CRYM: variants seen among roughly 807,000 people sequenced by gnomAD.
CRYM encodes the protein ketimine reductase mu-crystallin.
Under a neutral mutation model 32.9 loss-of-function variants are expected in CRYM, and 18 were observed. The ratio of observed to expected loss-of-function variants is 0.55; its 90% CI spans 0.38 to 0.81. The LOEUF is 0.81. Ranked by LOEUF, CRYM falls within the 30% of genes least tolerant of loss-of-function variation. The pLI is 0.00. For synonymous variants in CRYM, 153 were observed against 152.4 expected (o/e 1.00, Z -0.03); for missense variants, 337 against 393.5 (o/e 0.86, Z 1.21).
intron 7 of CRYM, among the ~76,000 whole-genome samples, chr16:21,259,766 G>A (rs1188462887): frequency 6.6e-6 from 1 of 152,154 alleles, no homozygotes; most frequent in Non-Finnish European, 1.5e-5. Context: ...TCTCCCCTTT[G>A]TCTTGTAATT....
chr16:21,280,614 G>A (rs750371164), upstream of CRYM, among the ~76,000 whole-genome samples: 37 of 152,124 alleles, frequency 2.4e-4, no homozygotes, highest in Non-Finnish European at 8.8e-5. Flanking sequence ...CAGACTCTTT[G>A]TGGCAATACG....
intron 3 of CRYM, among the ~76,000 whole-genome samples, chr16:21,270,386 T>G (rs949934720): frequency 5.3e-5 from 8 of 151,974 alleles, no homozygotes; most frequent in African/African-American, 1.9e-4. Flanking sequence ...TGGGTTCCAG[T>G]GATTATCCTA....
chr16:21,266,803 G>C (rs938809091), intron 5 of CRYM, among the ~76,000 whole-genome samples: 1 of 151,976 alleles, frequency 6.6e-6, no homozygotes, highest in African/African-American at 2.4e-5. Flanking sequence ...CCAGGAGTTC[G>C]AGACCAGCCT....
intron 1 of CRYM, among the ~76,000 whole-genome samples, chr16:21,293,417 G>A (rs1220019760): frequency 1.3e-5 from 2 of 152,046 alleles, no homozygotes; most frequent in East Asian, 1.9e-4. Context: ...AAGAGAATAC[G>A]GAACACAGTG....
At chr16:21,260,772 G>A (rs1361989541) in intron 7 of CRYM, among the ~76,000 whole-genome samples, 1 of 152,358 alleles carries the variant, frequency 6.6e-6, no homozygotes, top group Non-Finnish European at 1.5e-5. Flanking sequence ...GCAAGTGGGA[G>A]AGTAGGGAAG....
At position 21,267,313 on chromosome 16, in the gene CRYM, G is replaced by A. The variant is rs172852; in HGVS notation, c.673+241C>T. Among the ~76,000 whole-genome samples the A allele has an allele frequency of 0.33, 50,294 of 151,882 alleles. 10,321 individuals carry two copies. Among genetic ancestry groups the A allele is most frequent in the African/African-American group, 0.58 (24,001 of 41,400 alleles). ...GGGTTTTGCCATGTTGACCAGGTTA[G>A]TCTTAAACTCCTGGCCTCAAGCAAT... is the stretch of plus-strand genomic sequence containing the variant. On this transcript the variant is annotated intron_variant, in intron 5 of 7. Coordinates refer to ENST00000572914, the MANE Select transcript of CRYM (RefSeq NM_001376256.1).
chr16:21,296,029 CAAATT>C (rs1215304318), intron 1 of CRYM, among the ~76,000 whole-genome samples: 4 of 151,726 alleles, frequency 2.6e-5, no homozygotes, highest in African/African-American at 9.7e-5. Context: ...AAAACATGAA[CAAATT>C]AAAAGATTAT....
At chr16:21,299,156 G>C (rs1277387453) in intron 1 of CRYM, among the ~76,000 whole-genome samples, 2 of 151,992 alleles carry the variant, frequency 1.3e-5, no homozygotes, top group Non-Finnish European at 2.9e-5. Flanking sequence ...TATTAATCTT[G>C]TTCTTATTGT....
At chr16:21,290,561 C>T (rs1213153906) in intron 1 of CRYM, among the ~76,000 whole-genome samples, 1 of 152,208 alleles carries the variant, frequency 6.6e-6, no homozygotes, top group African/African-American at 2.4e-5. Flanking sequence ...GGAACCAATT[C>T]TGGCCACAAA....
In CRYM at chr16:21,267,755, A is replaced by G. The variant is rs748003998; in HGVS notation, c.490-18T>C. On this transcript the variant is annotated intron_variant, in intron 4 of 7. Transcript: ENST00000572914. ...ATCCTCACCTTCATTGGGAGTAACA[A>G]GAAGGATATTGGCGCCATTTTTTGG... 2 of 1,614,116 alleles carry G rather than the reference A, an allele frequency of 1.2e-6. No individual in the cohort carries two copies. The highest frequency in any genetic ancestry group is 1.7e-6 in the Non-Finnish European group (2 of 1,179,960).
intron 3 of CRYM, among the ~76,000 whole-genome samples, chr16:21,271,454 A>C (rs2093375231): frequency 6.6e-6 from 1 of 152,268 alleles, no homozygotes; most frequent in African/African-American, 2.4e-5. Flanking sequence ...ATATTTAAAA[A>C]GTGAAAAGTC....
At position 21,258,826 on chromosome 16, in the gene CRYM, T is replaced by C; in HGVS notation, c.900A>G (p.Thr300=). The C allele has an allele frequency of 1.9e-6, 3 of 1,614,166 alleles. No individual in the cohort carries two copies. Among genetic ancestry groups the C allele is most frequent in the South Asian group, 1.1e-5 (1 of 91,086 alleles). ...AATCATAGATGAGTTTGGCTGCAAC[T>C]GTGTCTTCCACTGCCATTCCTAGAA... is the stretch of plus-strand genomic sequence containing the variant. The part of the protein sequence containing the change: ...FKSLGMAVED[T]VAAKLIYDSW... The change falls in exon 8 of 8, where the codon ACA becomes ACG. Residue 300 remains threonine (T), a synonymous_variant. Coordinates refer to ENST00000572914, the MANE Select transcript of CRYM (RefSeq NM_001376256.1).
intron 1 of CRYM, among the ~76,000 whole-genome samples, chr16:21,287,077 G>A (rs1304416536): frequency 6.7e-6 from 1 of 148,494 alleles, no homozygotes; most frequent in Non-Finnish European, 1.5e-5. Context: ...GCGACAGAGC[G>A]AGACTCCGTC....
At chr16:21,298,681 T>C (rs1195238380) in intron 1 of CRYM, among the ~76,000 whole-genome samples, 1 of 152,226 alleles carries the variant, frequency 6.6e-6, no homozygotes, top group African/African-American at 2.4e-5. Context: ...ATACTTTTTA[T>C]AGAGGACAGA....
At chr16:21,298,650 A>C (rs998441235) in intron 1 of CRYM, among the ~76,000 whole-genome samples, 1 of 152,244 alleles carries the variant, frequency 6.6e-6, no homozygotes, top group African/African-American at 2.4e-5. Context: ...GGAATTGCTC[A>C]AATAACAATA....
At chr16:21,269,712 G>A in intron 4 of CRYM, 78 bp downstream of exon 4, 1 of 934,656 alleles carries the variant, frequency 1.1e-6, no homozygotes, top group Non-Finnish European at 1.8e-6. Flanking sequence ...AGAATAACCT[G>A]TGGTGCAGTG....
In CRYM at chr16:21,258,761, CA is replaced by C; in HGVS notation, c.*19del. 1 of 1,608,548 alleles carries C rather than the reference CA, an allele frequency of 6.2e-7. No individual in the cohort carries two copies. Among genetic ancestry groups the C allele is most frequent in the Admixed American group, 1.7e-5 (1 of 60,016 alleles). On this transcript the variant is annotated 3_prime_UTR_variant, in exon 8 of 8. Transcript: ENST00000572914. ...AGCAATATTCCTCAAGCATCCATCT[CA>C]ACATCAAGTTCCTTTGTTTTATTTA... is the stretch of plus-strand genomic sequence containing the variant.
upstream of CRYM, chr16:21,278,376 G>T: frequency 7.8e-7 from 1 of 1,288,524 alleles, no homozygotes; most frequent in Non-Finnish European, 1.1e-6. Flanking sequence ...GCCTCCGGGG[G>T]CGGAGCAACC....
chr16:21,277,331 G>T lies in CRYM; in HGVS notation c.324+100C>A. ...TCCAGTCACTTGCAGAGGGGCACGC[G>T]TAGTCACAATCAAGACTCCCCCTGC... On this transcript the variant is annotated intron_variant, in intron 2 of 7. Transcript: ENST00000572914. The surrounding 1 kb of genome is among the most constrained non-coding windows in gnomAD (Gnocchi z 4.2). 1 of 1,267,316 alleles carries T rather than the reference G, an allele frequency of 7.9e-7. No homozygotes were observed. Among genetic ancestry groups the T allele is most frequent in the Non-Finnish European group, 1.1e-6 (1 of 893,822 alleles). 78.5% of individuals were successfully genotyped at this position (1,267,316 alleles called of 1,614,324 possible).
Sources: gnomAD v4.1 joint callset for allele counts (sites outside exome capture counted in the v4.1 genomes callset) on GRCh38, gnomAD v4.1.1 for gene constraint, Gnocchi (gnomAD v3.1) non-coding constraint, MANE v1.5 for transcripts, NCBI Gene and HGNC (gene_info 2026-07-23, HGNC 2026-07-21) for gene names.